The following PRAG1 variants were observed in gnomAD, a reference collection of about 807,000 sequenced individuals.
PRAG1 encodes PEAK1 related, kinase-activating pseudokinase 1.
Under a neutral mutation model 95.6 loss-of-function variants are expected in PRAG1, and 110 were observed. The observed-to-expected ratio is 1.15, with a 90% CI of 0.99 to 1.35. The LOEUF is 1.35. Among genes scored for constraint, PRAG1 ranks in the 40% most tolerant of loss-of-function variants. The pLI, the probability that PRAG1 is intolerant of heterozygous loss-of-function variation, is 0.00. For missense variants in PRAG1, 2,554 were observed against 1,864.7 expected, an observed-to-expected ratio of 1.37 and a Z score of -6.81; for synonymous variants, 1,052 against 819.4, an observed-to-expected ratio of 1.28 and a Z score of -4.85.
intron 4 of PRAG1, among the ~76,000 whole-genome samples, chr8:8,338,593 TAAG>T (rs1256014964): frequency 2.0e-5 from 3 of 152,214 alleles, no homozygotes; most frequent in East Asian, 3.8e-4. Context: ...TGTTTTTAAG[TAAG>T]AACTGTCAGA....
At chr8:8,357,930 A>T (rs900697612) in intron 3 of PRAG1, among the ~76,000 whole-genome samples, 18 of 152,338 alleles carry the variant, frequency 1.2e-4, no homozygotes, top group African/African-American at 4.3e-4. Flanking sequence ...CCCCAACACC[A>T]TGCAAGCAAT....
At chr8:8,379,086 T>C (rs527413129) in intron 2 of PRAG1, among the ~76,000 whole-genome samples, 1 of 151,384 alleles carries the variant, frequency 6.6e-6, no homozygotes, top group African/African-American at 2.4e-5. Context: ...TGGATCAGGG[T>C]GAGGGGTGGC....
intron 3 of PRAG1, among the ~76,000 whole-genome samples, chr8:8,375,436 G>A (rs992102790): frequency 5.3e-4 from 80 of 151,998 alleles, no homozygotes; most frequent in Admixed American, 3.9e-3. Flanking sequence ...TCTCCTGATC[G>A]TGATCCGCCC....
intron 3 of PRAG1, among the ~76,000 whole-genome samples, chr8:8,340,328 A>G (rs1021831726): frequency 1.3e-5 from 2 of 152,242 alleles, no homozygotes; most frequent in Non-Finnish European, 2.9e-5. Context: ...TTCAAGAGAA[A>G]AACACTCACA....
At chr8:8,384,431 A>C (rs1275783164) in intron 1 of PRAG1, among the ~76,000 whole-genome samples, 4 of 152,086 alleles carry the variant, frequency 2.6e-5, no homozygotes, top group Non-Finnish European at 5.9e-5. Context: ...ATGTTTAGAG[A>C]GGCAACTTTC....
Position 8,318,973 on chromosome 8 carries a change from C to A in PRAG1, c.3402G>T (p.Glu1134Asp), listed in dbSNP as rs1466603804. ...FLLLQLCNGL[E>D]HLKEHGIIHR... Reference sequence around the variant, plus strand: ...GGATGATCCCGTGCTCCTTCAGGTGCTCCAGCCCGTTGCAGAGTTGCAGAA... The same window carrying A: ...GGATGATCCCGTGCTCCTTCAGGTGATCCAGCCCGTTGCAGAGTTGCAGAA... The change falls in exon 6 of 6, where the codon GAG becomes GAT. Residue 1134 changes from glutamate to aspartate, a missense_variant. Transcript: ENST00000615670. The surrounding 1 kb of genome is among the most constrained non-coding windows in gnomAD (Gnocchi z 4.2). The A allele has an allele frequency of 1.9e-6, 3 of 1,613,182 alleles. No individual in the cohort carries two copies. The African/African-American group carries it at 4.0e-5, about 22-fold the overall frequency.
At chr8:8,351,019 A>G (rs1799503628) in intron 3 of PRAG1, among the ~76,000 whole-genome samples, 1 of 152,196 alleles carries the variant, frequency 6.6e-6, no homozygotes, top group Non-Finnish European at 1.5e-5. Flanking sequence ...TCTCCAGTAT[A>G]CTGAGTGTAT....
At chr8:8,349,934 C>T (rs1277023363) in intron 3 of PRAG1, among the ~76,000 whole-genome samples, 5 of 147,470 alleles carry the variant, frequency 3.4e-5, no homozygotes, top group African/African-American at 7.7e-5. Flanking sequence ...GGAAAATACA[C>T]ACACACACAC....
intron 3 of PRAG1, 98 bp from the exon 4 acceptor site, chr8:8,339,733 G>C (rs6998115): frequency 0.11 from 135,080 of 1,186,568 alleles, 8,299 homozygotes; most frequent in Non-Finnish European, 0.13. Flanking sequence ...TTGAAACCTG[G>C]CCAATGTCAG....
At chr8:8,361,949 C>T (rs1799859080) in intron 3 of PRAG1, among the ~76,000 whole-genome samples, 1 of 152,214 alleles carries the variant, frequency 6.6e-6, no homozygotes, top group Admixed American at 6.5e-5. Context: ...TTACTAGAAA[C>T]ATTTCCCATA....
chr8:8,360,229 G>A (rs572774974), intron 3 of PRAG1, among the ~76,000 whole-genome samples: 4 of 152,236 alleles, frequency 2.6e-5, no homozygotes, highest in East Asian at 1.9e-4. Context: ...CAGGACATTC[G>A]TTCTTAAAAT....
chr8:8,357,777 T>C (rs2116882875), intron 3 of PRAG1, among the ~76,000 whole-genome samples: 1 of 152,344 alleles, frequency 6.6e-6, no homozygotes, highest in African/African-American at 2.4e-5. Context: ...AGCCAAAATG[T>C]AGAAGCAACT....
chr8:8,362,428 A>T (rs749717473), intron 3 of PRAG1, among the ~76,000 whole-genome samples: 1 of 152,212 alleles, frequency 6.6e-6, no homozygotes, highest in Non-Finnish European at 1.5e-5. Flanking sequence ...CCTGGTTGCC[A>T]CAGCAGTGCA....
At chr8:8,336,598 G>T (rs541950765) in intron 4 of PRAG1, among the ~76,000 whole-genome samples, 2 of 152,272 alleles carry the variant, frequency 1.3e-5, no homozygotes, top group African/African-American at 4.8e-5. Context: ...TACAAAAGTG[G>T]CATTTTGCCA....
At chr8:8,329,523 G>GA (rs1798753200) in intron 4 of PRAG1, among the ~76,000 whole-genome samples, 1 of 152,014 alleles carries the variant, frequency 6.6e-6, no homozygotes, top group Non-Finnish European at 1.5e-5. Flanking sequence ...CCACACCTTG[G>GA]CAGTAGGACC....
intron 5 of PRAG1, among the ~76,000 whole-genome samples, chr8:8,321,422 A>G (rs1798469041): frequency 6.6e-6 from 1 of 152,224 alleles, no homozygotes; most frequent in Non-Finnish European, 1.5e-5. Context: ...CTGGAGCACT[A>G]TTAAACTAAA....
chr8:8,322,629 G>A (rs1319824763), intron 5 of PRAG1, among the ~76,000 whole-genome samples: 1 of 152,038 alleles, frequency 6.6e-6, no homozygotes, highest in Non-Finnish European at 1.5e-5. Context: ...TTACTGATAG[G>A]GCAGTCTCTT....
chr8:8,358,025 C>A (rs969932409), intron 3 of PRAG1, among the ~76,000 whole-genome samples: 1 of 152,178 alleles, frequency 6.6e-6, no homozygotes, highest in Admixed American at 6.5e-5. Context: ...TCAGATCCCA[C>A]AGGTTGAGGG....
At chr8:8,357,904 T>C (rs1799730269) in intron 3 of PRAG1, among the ~76,000 whole-genome samples, 2 of 152,202 alleles carry the variant, frequency 1.3e-5, no homozygotes, top group South Asian at 4.1e-4. Context: ...TGACCTCAGA[T>C]CTTGTTAGTT....
Sources: allele counts gnomAD v4.1 joint callset (sites outside exome capture counted in the v4.1 genomes callset), GRCh38; gene constraint gnomAD v4.1.1; non-coding constraint Gnocchi (gnomAD v3.1); transcripts MANE v1.5; gene names NCBI Gene and HGNC (gene_info 2026-07-23, HGNC 2026-07-21).